The following JAM2 variants were observed in gnomAD, a reference collection of about 807,000 sequenced individuals.
The protein encoded by JAM2 is junctional adhesion molecule 2.
JAM2 carries 17 observed loss-of-function variants against 42.0 expected under a neutral mutation model. That is an observed-to-expected ratio of 0.40 (90% confidence interval 0.28 to 0.61). JAM2 has a LOEUF of 0.61. Ranked by LOEUF, JAM2 falls within the 20% of genes least tolerant of loss-of-function variation. The pLI, the probability that JAM2 is intolerant of heterozygous loss-of-function variation, is 0.37. For missense variants in JAM2, 319 were observed against 358.3 expected (o/e 0.89, Z 0.89); for synonymous variants, 118 against 128.6 (o/e 0.92, Z 0.56).
intron 1 of JAM2, among the ~76,000 whole-genome samples, chr21:25,680,946 T>G (rs2033617342): frequency 6.6e-6 from 1 of 152,098 alleles, no homozygotes; most frequent in Admixed American, 6.5e-5. Flanking sequence ...CAGAGTCACA[T>G]GTCATAGAGA....
intron 1 of JAM2, among the ~76,000 whole-genome samples, chr21:25,662,555 GTGATCCTCC>G (rs2033117448): frequency 6.6e-6 from 1 of 152,128 alleles, no homozygotes; most frequent in Non-Finnish European, 1.5e-5. Flanking sequence ...CTGGGCTTAA[GTGATCCTCC>G]TGTCTCAGCC....
At chr21:25,640,822 T>C (rs2032414485) in intron 1 of JAM2, among the ~76,000 whole-genome samples, 1 of 151,794 alleles carries the variant, frequency 6.6e-6, no homozygotes, top group Admixed American at 6.6e-5. Flanking sequence ...TCTTTCTCTC[T>C]CTCTTTCTTT....
intron 8 of JAM2, among the ~76,000 whole-genome samples, chr21:25,711,857 G>A (rs1443711281): frequency 3.9e-5 from 6 of 152,132 alleles, no homozygotes; most frequent in African/African-American, 1.4e-4. Context: ...GTAATCTGGT[G>A]GGGAATAACT....
At position 25,708,014 on chromosome 21, in the gene JAM2, T is replaced by G. The variant is rs546476463; in HGVS notation, c.806-1420T>G. 2.6e-3 allele frequency among the ~76,000 whole-genome samples: 401 copies of G among 151,792 alleles called. 1 individual carries two copies. Among genetic ancestry groups the G allele is most frequent in the Non-Finnish European group, 4.3e-3 (292 of 67,964 alleles). ...GCACATACCACCACACCTGGCTAAT[T>G]TTCTTTTATTTTTTGTGGAGACAGG... On this transcript the variant is annotated intron_variant, in intron 7 of 9. Transcript: ENST00000480456.
At chr21:25,646,241 G>A (rs1362616041) in intron 1 of JAM2, among the ~76,000 whole-genome samples, 1 of 152,190 alleles carries the variant, frequency 6.6e-6, no homozygotes, top group Non-Finnish European at 1.5e-5. Context: ...TTGAAATGTA[G>A]TTAATTAAAT....
rs193079416 is a variant in JAM2 at position 25,686,647 on chromosome 21, C to T, written c.133+2699C>T. 2.7e-4 allele frequency among the ~76,000 whole-genome samples: 41 copies of T among 152,318 alleles called. 1 individual carries two copies. Among genetic ancestry groups the T allele is most frequent in the Non-Finnish European group, 2.9e-5 (2 of 68,026 alleles). ...ATGAGCAGCCCTCTGCAAAGGGAGTCTAAACCTGAAAGCTATAAATTAGAG... is the reference window on the plus strand; with the variant it reads ...ATGAGCAGCCCTCTGCAAAGGGAGTTTAAACCTGAAAGCTATAAATTAGAG... On this transcript the variant is annotated intron_variant, in intron 2 of 9. Transcript: ENST00000480456.
At chr21:25,675,695 G>A (rs1405184988) in intron 1 of JAM2, among the ~76,000 whole-genome samples, 8 of 151,982 alleles carry the variant, frequency 5.3e-5, no homozygotes, top group African/African-American at 1.7e-4. Flanking sequence ...AGGAGAGCTC[G>A]CTCACTATCA....
chr21:25,708,944 TATCTGTGGACCAAATCTGCC>T (rs2034327393), intron 7 of JAM2, among the ~76,000 whole-genome samples: 1 of 152,152 alleles, frequency 6.6e-6, no homozygotes, highest in Admixed American at 6.5e-5. Flanking sequence ...GGCAGACTAC[TATCTGTGGACCAAATCTGCC>T]CTCCCCGCCT....
chr21:25,663,455 T>C (rs1405983965), intron 1 of JAM2, among the ~76,000 whole-genome samples: 1 of 152,212 alleles, frequency 6.6e-6, no homozygotes, highest in Non-Finnish European at 1.5e-5. Flanking sequence ...TCAAGACTCA[T>C]GTTGAAACAT....
intron 1 of JAM2, among the ~76,000 whole-genome samples, chr21:25,669,582 G>T (rs2033309260): frequency 6.6e-6 from 1 of 152,174 alleles, no homozygotes; most frequent in South Asian, 2.1e-4. Context: ...TCTACTGTGT[G>T]CCAAGAGGTA....
At chr21:25,695,575 C>T (rs904297558) in intron 4 of JAM2, among the ~76,000 whole-genome samples, 1 of 149,900 alleles carries the variant, frequency 6.7e-6, no homozygotes, top group African/African-American at 2.5e-5. Flanking sequence ...CCCCCCACCT[C>T]CCGGACGGGG....
At chr21:25,701,579 A>C (rs116932801) in intron 5 of JAM2, among the ~76,000 whole-genome samples, 2,521 of 152,336 alleles carry the variant, frequency 0.017, 24 homozygotes, top group South Asian at 0.028. Flanking sequence ...TTGCTTTGAC[A>C]GGGATGGGAA....
intron 9 of JAM2, chr21:25,714,400 A>T: frequency 2.2e-6 from 1 of 447,292 alleles, no homozygotes; most frequent in Non-Finnish European, 3.9e-6. Flanking sequence ...GCTGCTTGGG[A>T]GACAGGAGAA....
intron 1 of JAM2, among the ~76,000 whole-genome samples, chr21:25,681,328 A>C (rs1480801475): frequency 2.0e-5 from 3 of 152,212 alleles, no homozygotes; most frequent in Non-Finnish European, 1.5e-5. Context: ...ATTGACTCAC[A>C]GTTCAGCATG....
intron 1 of JAM2, among the ~76,000 whole-genome samples, chr21:25,648,523 T>C (rs1037928688): frequency 7.2e-5 from 11 of 152,000 alleles, no homozygotes; most frequent in Non-Finnish European, 1.3e-4. Context: ...CAGTACTTCT[T>C]CCCAACCTCC....
chr21:25,644,442 C>T (rs2032543014), intron 1 of JAM2, among the ~76,000 whole-genome samples: 1 of 152,142 alleles, frequency 6.6e-6, no homozygotes, highest in Admixed American at 6.5e-5. Flanking sequence ...ACTCACGGCC[C>T]TGTCCTGCCA....
chr21:25,704,781 TA>T (rs1259776810), intron 6 of JAM2, among the ~76,000 whole-genome samples: 2 of 152,226 alleles, frequency 1.3e-5, no homozygotes, highest in Non-Finnish European at 2.9e-5. Context: ...AGAATGTTAA[TA>T]AATTGTGTTG....
intron 1 of JAM2, among the ~76,000 whole-genome samples, chr21:25,678,520 C>T (rs1462260177): frequency 2.6e-5 from 4 of 152,182 alleles, no homozygotes; most frequent in African/African-American, 9.6e-5. Flanking sequence ...GCATGGACCC[C>T]TTTCATGGTT....
Position 25,715,647 on chromosome 21 carries a change from GA to G in JAM2, c.*980del, listed in dbSNP as rs1176668997. ...TAATAGTCTACCAGGAAAATGAGAC[GA>G]AAAAGCTCAGTATGACTCCCTGCAT... On this transcript the variant is annotated 3_prime_UTR_variant, in exon 10 of 10. Transcript: ENST00000480456. 2.6e-5 allele frequency: 4 copies of G among 152,160 alleles called. No individual in the cohort carries two copies. The highest frequency in any genetic ancestry group is 7.2e-5 in the African/African-American group (3 of 41,444). The allele number at this position is 152,160 out of a possible 1,614,324, so 9.4% of individuals were successfully genotyped here.
Sources: gnomAD v4.1 joint callset for allele counts (sites outside exome capture counted in the v4.1 genomes callset) on GRCh38, gnomAD v4.1.1 for gene constraint, MANE v1.5 for transcripts, NCBI Gene and HGNC (gene_info 2026-07-23, HGNC 2026-07-21) for gene names.